Variants in PRKG1 observed in about 807,000 individuals in gnomAD.
PRKG1 encodes the protein cGMP-dependent protein kinase 1.
A neutral mutation model predicts 88.1 loss-of-function variants in PRKG1; 35 were observed. The observed-to-expected ratio is 0.40, with a 90% CI of 0.30 to 0.53. The LOEUF is 0.53. Ranked by LOEUF, PRKG1 falls within the 20% of genes least tolerant of loss-of-function variation. The pLI, the probability that PRKG1 is intolerant of heterozygous loss-of-function variation, is 0.59. For synonymous variants in PRKG1, 303 were observed against 292.5 expected (o/e 1.04, Z -0.37); for missense variants, 540 against 839.8 (o/e 0.64, Z 4.41).
At chr10:51,796,528 A>G (rs1839016432) in intron 3 of PRKG1, among the ~76,000 whole-genome samples, 1 of 152,102 alleles carries the variant, frequency 6.6e-6, no homozygotes. Context: ...TATATTGGAC[A>G]GTGCAGATTA....
chr10:51,385,646 G>A (rs1419904221), intron 2 of PRKG1, among the ~76,000 whole-genome samples: 1 of 152,160 alleles, frequency 6.6e-6, no homozygotes, highest in Non-Finnish European at 1.5e-5. Context: ...CTGAATCGAA[G>A]CCCTCATTCA....
chr10:52,290,910 CTTT>C (rs746256641), intron 17 of PRKG1, among the ~76,000 whole-genome samples: 1 of 122,888 alleles, frequency 8.1e-6, no homozygotes, highest in African/African-American at 2.9e-5. Context: ...CATGATCACT[CTTT>C]TTTTTTTTTT....
At chr10:51,502,649 A>G (rs1159934406) in intron 3 of PRKG1, among the ~76,000 whole-genome samples, 1 of 152,156 alleles carries the variant, frequency 6.6e-6, no homozygotes, top group Admixed American at 6.6e-5. Context: ...AGTCTGTGAA[A>G]TGGGGATAAT....
chr10:51,071,778 T>C (rs753024989), upstream of PRKG1, among the ~76,000 whole-genome samples: 4 of 152,230 alleles, frequency 2.6e-5, no homozygotes, highest in Non-Finnish European at 5.9e-5. Flanking sequence ...AGACAGACTT[T>C]CTACAAATGA....
At chr10:51,027,514 T>G (rs367631781) in intron 1 of PRKG1, among the ~76,000 whole-genome samples, 7 of 152,136 alleles carry the variant, frequency 4.6e-5, no homozygotes, top group African/African-American at 1.7e-4. Context: ...CAACATTAAC[T>G]TAAGTTTTGT....
intron 3 of PRKG1, among the ~76,000 whole-genome samples, chr10:51,503,207 T>C (rs1472432569): frequency 6.6e-6 from 1 of 152,146 alleles, no homozygotes; most frequent in Admixed American, 6.6e-5. Context: ...GCCACCATCA[T>C]CTCTTTCCAA....
chr10:51,711,792 T>A (rs1238766224), intron 3 of PRKG1, among the ~76,000 whole-genome samples: 1 of 151,984 alleles, frequency 6.6e-6, no homozygotes, highest in Non-Finnish European at 1.5e-5. Context: ...TGGTGGAGAG[T>A]GTTTGAGCTG....
chr10:51,686,405 T>C (rs1021239631), intron 3 of PRKG1, among the ~76,000 whole-genome samples: 2 of 152,206 alleles, frequency 1.3e-5, no homozygotes, highest in Non-Finnish European at 2.9e-5. Context: ...TATGGTTTTC[T>C]GTTCCTGTGT....
intron 3 of PRKG1, among the ~76,000 whole-genome samples, chr10:51,533,637 A>G (rs1589052399): frequency 6.7e-6 from 1 of 150,138 alleles, no homozygotes; most frequent in East Asian, 2.0e-4. Context: ...AAAAAAAGCC[A>G]GTTTTCAAAC....
intron 3 of PRKG1, among the ~76,000 whole-genome samples, chr10:51,580,306 A>G (rs996225495): frequency 4.6e-5 from 7 of 152,096 alleles, no homozygotes; most frequent in African/African-American, 1.7e-4. Flanking sequence ...TAAAACTTTG[A>G]GATCATTCAC....
chr10:52,052,540 A>G (rs1256793276), intron 5 of PRKG1, among the ~76,000 whole-genome samples: 2 of 152,108 alleles, frequency 1.3e-5, no homozygotes, highest in African/African-American at 4.8e-5. Flanking sequence ...GACATCCCTA[A>G]GACTGGGTAA....
intron 3 of PRKG1, among the ~76,000 whole-genome samples, chr10:51,686,898 G>A (rs1476620278): frequency 6.6e-6 from 1 of 152,018 alleles, no homozygotes; most frequent in Non-Finnish European, 1.5e-5. Flanking sequence ...ATCAGGCCCG[G>A]CTAATTTTTT....
At chr10:51,901,525 T>C (rs746831845) in intron 4 of PRKG1, among the ~76,000 whole-genome samples, 1 of 152,160 alleles carries the variant, frequency 6.6e-6, no homozygotes, top group Non-Finnish European at 1.5e-5. Flanking sequence ...CTTTACAGGG[T>C]TTCATTTGTC....
At chr10:52,013,508 G>T (rs1226376829) in intron 5 of PRKG1, among the ~76,000 whole-genome samples, 2 of 152,046 alleles carry the variant, frequency 1.3e-5, no homozygotes, top group Non-Finnish European at 2.9e-5. Flanking sequence ...TAGTATTTTT[G>T]CTGTCTCTTG....
intron 3 of PRKG1, among the ~76,000 whole-genome samples, chr10:51,594,484 C>T (rs1462279747): frequency 2.0e-5 from 3 of 152,184 alleles, no homozygotes; most frequent in Non-Finnish European, 2.9e-5. Flanking sequence ...TCTCATATTA[C>T]CACTGCATAG....
intron 4 of PRKG1, among the ~76,000 whole-genome samples, chr10:51,871,305 A>G (rs1233175096): frequency 6.6e-6 from 1 of 152,082 alleles, no homozygotes; most frequent in Non-Finnish European, 1.5e-5. Flanking sequence ...TTCACTTGTG[A>G]TTTTTTATAA....
At chr10:51,990,717 C>T (rs922747573) in intron 5 of PRKG1, among the ~76,000 whole-genome samples, 3 of 152,102 alleles carry the variant, frequency 2.0e-5, no homozygotes, top group African/African-American at 2.4e-5. Context: ...TCTCCCTCCT[C>T]CCACCCTCTA....
intron 5 of PRKG1, among the ~76,000 whole-genome samples, chr10:52,011,960 C>T (rs1218533675): frequency 6.6e-6 from 1 of 152,146 alleles, no homozygotes; most frequent in East Asian, 1.9e-4. Flanking sequence ...TGACTTGCTC[C>T]TCCTTGCCTT....
At chr10:52,237,891 G>C (rs1315738712) in intron 9 of PRKG1, among the ~76,000 whole-genome samples, 1 of 141,244 alleles carries the variant, frequency 7.1e-6, no homozygotes, top group South Asian at 2.4e-4. Context: ...AACAAAGCTG[G>C]AGGCATCACA....
Sources: gnomAD v4.1 joint callset for allele counts (sites outside exome capture counted in the v4.1 genomes callset) on GRCh38, gnomAD v4.1.1 for gene constraint, MANE v1.5 for transcripts, NCBI Gene and HGNC (gene_info 2026-07-23, HGNC 2026-07-21) for gene names.